ASCC3: variants seen among roughly 807,000 people sequenced by gnomAD.
The protein encoded by ASCC3 is ASC-1 complex subunit P200.
A neutral mutation model predicts 256.3 loss-of-function variants in ASCC3; 158 were observed. That is an observed-to-expected ratio of 0.62 (90% CI 0.54 to 0.70). ASCC3 has a LOEUF of 0.70. Ranked by LOEUF, ASCC3 falls within the 30% of genes least tolerant of loss-of-function variation. The pLI is 0.00. For synonymous variants in ASCC3, 948 were observed against 883.4 expected, an observed-to-expected ratio of 1.07 and a Z score of -1.30; for missense variants, 2,259 against 2,626.0, an observed-to-expected ratio of 0.86 and a Z score of 3.05.
chr6:100,530,400 G>A, intron 37 of ASCC3: 1 of 1,100,224 alleles, frequency 9.1e-7, no homozygotes, highest in Non-Finnish European at 1.4e-6. Flanking sequence ...TGTTGCAACA[G>A]ATAATTTTTT....
rs561731740 is a variant in ASCC3 at position 100,798,571 on chromosome 6, T to A, written c.1395+142A>T. ...GTATATATTTTTTAAACTCTCCTAC[T>A]GTAATTCTCTAGTAACCAACTATAT... On this transcript the variant is annotated intron_variant, in intron 8 of 41. Transcript: ENST00000369162. 1.2e-5 allele frequency: 15 copies of A among 1,228,108 alleles called. No individual in the cohort carries two copies. The African/African-American group carries it at 2.3e-4, about 19-fold the overall frequency. The allele number at this position is 1,228,108 out of a possible 1,614,324, so 76.1% of individuals were successfully genotyped here. A position where few individuals can be genotyped will look rare whatever the true frequency, so the allele number is the denominator to read the frequency against.
chr6:100,531,103 G>GA lies in ASCC3; in HGVS notation c.5775+9059dup, dbSNP rs945867506. 1.9e-5 allele frequency: 22 copies of GA among 1,151,860 alleles called. No individual in the cohort carries two copies. In the African/African-American group the frequency reaches 2.7e-4, roughly 14 times the overall value. The allele number at this position is 1,151,860 out of a possible 1,614,324, so 71.4% of individuals were successfully genotyped here. A position where few individuals can be genotyped will look rare whatever the true frequency, so the allele number is the denominator to read the frequency against. ...CATAGTCTGTACAATAAATACAACAGAAAATTGCACAATTTCTGCTGGCTG... is the reference window on the plus strand; with the variant it reads ...CATAGTCTGTACAATAAATACAACAGAAAAATTGCACAATTTCTGCTGGCTG... On this transcript the variant is annotated intron_variant, in intron 37 of 41. Coordinates refer to ENST00000369162, the MANE Select transcript of ASCC3 (RefSeq NM_006828.4).
At position 100,848,466 on chromosome 6, in the gene ASCC3, A is replaced by C; in HGVS notation, c.483T>G (p.Val161=). The C allele has an allele frequency of 6.2e-7, 1 of 1,611,684 alleles. No homozygotes were observed. Among genetic ancestry groups the C allele is most frequent in the Non-Finnish European group, 8.5e-7 (1 of 1,178,828 alleles). Residue 161 remains valine, a synonymous_variant, in exon 4 of 42, where the codon GTT becomes GTG. Coordinates refer to ENST00000369162, the MANE Select transcript of ASCC3 (RefSeq NM_006828.4). ...AAAATGCTAAATTTTTACCAAAAAA[A>C]ACCCTATCGCCATGTTCTTTTTCTG... The part of the protein sequence containing the change: ...QMTEKEHGDR[V]FFGKNLAFSF...
At chr6:100,580,379 G>A (rs907175935) in intron 36 of ASCC3, among the ~76,000 whole-genome samples, 6 of 151,912 alleles carry the variant, frequency 3.9e-5, no homozygotes, top group Non-Finnish European at 7.4e-5. Context: ...ATACAATCAA[G>A]AGATCATCAC....
At chr6:100,715,205 G>GT in intron 13 of ASCC3, 1 of 313,824 alleles carries the variant, frequency 3.2e-6, no homozygotes, top group Non-Finnish European at 5.8e-6. Context: ...CATGAAAACA[G>GT]TAAGAATATA....
chr6:100,632,542 C>T (rs1345549062), intron 25 of ASCC3, among the ~76,000 whole-genome samples: 4 of 151,712 alleles, frequency 2.6e-5, no homozygotes, highest in African/African-American at 7.3e-5. Flanking sequence ...ACCAGTCAGA[C>T]GCATCACATT....
intron 16 of ASCC3, among the ~76,000 whole-genome samples, chr6:100,658,639 C>T (rs1373647688): frequency 6.6e-6 from 1 of 151,268 alleles, no homozygotes; most frequent in African/African-American, 2.4e-5. Flanking sequence ...CTTAAATTTC[C>T]ACAACAATCC....
chr6:100,647,170 C>T (rs1168828751), intron 21 of ASCC3, 56 bp downstream of exon 21: 3 of 1,433,512 alleles, frequency 2.1e-6, no homozygotes, highest in Non-Finnish European at 2.9e-6. Flanking sequence ...TTACACCCAG[C>T]AACATATTTT....
rs115958709 is a variant in ASCC3, at chr6:100,637,714, C to T, written c.4122+887G>A. Among the ~76,000 whole-genome samples, 776 of 152,078 alleles carry T rather than the reference C, an allele frequency of 5.1e-3. 11 individuals carry two copies. Among genetic ancestry groups the T allele is most frequent in the African/African-American group, 0.018 (743 of 41,488 alleles). ...AGGAAGAAGTTGATTCCACCCTTCA[C>T]GGACGACTGAGGGGTTCAAGACCTC... On this transcript the variant is annotated intron_variant, in intron 25 of 41. Transcript: ENST00000369162.
intron 4 of ASCC3, among the ~76,000 whole-genome samples, chr6:100,821,963 A>C (rs867444841): frequency 1.5e-4 from 23 of 152,228 alleles, no homozygotes; most frequent in Non-Finnish European, 3.1e-4. Flanking sequence ...AAAATGGAGA[A>C]ATCTCCAGAC....
chr6:100,869,978 T>G (rs746680667), intron 1 of ASCC3, among the ~76,000 whole-genome samples: 1 of 152,194 alleles, frequency 6.6e-6, no homozygotes, highest in Non-Finnish European at 1.5e-5. Context: ...TGAATTTGTA[T>G]GCACTGCTAG....
intron 13 of ASCC3, among the ~76,000 whole-genome samples, chr6:100,692,496 T>G (rs1416005163): frequency 6.6e-6 from 1 of 152,106 alleles, no homozygotes; most frequent in Admixed American, 6.6e-5. Context: ...AAAACTTTAG[T>G]AACTTAAAAT....
At chr6:100,645,547 C>A (rs905885772) in intron 22 of ASCC3, among the ~76,000 whole-genome samples, 1 of 152,028 alleles carries the variant, frequency 6.6e-6, no homozygotes, top group Non-Finnish European at 1.5e-5. Flanking sequence ...TAGAACTTTA[C>A]AATAACGTGT....
intron 13 of ASCC3, among the ~76,000 whole-genome samples, chr6:100,700,273 T>C (rs1332526760): frequency 2.6e-5 from 4 of 152,050 alleles, no homozygotes; most frequent in Non-Finnish European, 5.9e-5. Context: ...GCAGCCTCCA[T>C]GTAGTGTTGA....
chr6:100,578,054 A>G (rs1770970022), intron 36 of ASCC3, among the ~76,000 whole-genome samples: 1 of 152,004 alleles, frequency 6.6e-6, no homozygotes, highest in Admixed American at 6.6e-5. Context: ...TCATCTGCAA[A>G]CTCAGAAACT....
At chr6:100,675,400 C>T (rs913469583) in intron 14 of ASCC3, among the ~76,000 whole-genome samples, 4 of 152,084 alleles carry the variant, frequency 2.6e-5, no homozygotes, top group African/African-American at 9.7e-5. Flanking sequence ...GATACCATCT[C>T]GGAAGAGACG....
chr6:100,743,855 T>G (rs6923187), intron 10 of ASCC3, among the ~76,000 whole-genome samples: 143,112 of 152,230 alleles, frequency 0.94, 67,594 homozygotes, highest in South Asian at 0.99. Context: ...ATGAATATGA[T>G]ACACATTAAT....
chr6:100,823,811 C>T (rs1255560158), intron 4 of ASCC3, among the ~76,000 whole-genome samples: 1 of 152,082 alleles, frequency 6.6e-6, no homozygotes, highest in Admixed American at 6.5e-5. Context: ...TAAACAAATG[C>T]AGCTTTGAAT....
intron 7 of ASCC3, 74 bp downstream of exon 7, chr6:100,799,357 A>C: frequency 6.5e-7 from 1 of 1,543,822 alleles, no homozygotes; most frequent in Non-Finnish European, 8.9e-7. Context: ...CTCACGAAGG[A>C]ACAGGGAAAA....
Sources: allele counts gnomAD v4.1 joint callset (sites outside exome capture counted in the v4.1 genomes callset), GRCh38; gene constraint gnomAD v4.1.1; transcripts MANE v1.5; gene names NCBI Gene and HGNC (gene_info 2026-07-23, HGNC 2026-07-21).